MEF2A: variants seen among roughly 807,000 people sequenced by gnomAD.
MEF2A encodes myocyte-specific enhancer factor 2A.
MEF2A carries 28 observed loss-of-function variants against 55.8 expected under a neutral mutation model. The ratio of observed to expected loss-of-function variants is 0.50; its 90% CI spans 0.37 to 0.69. The LOEUF (loss-of-function observed/expected upper bound fraction) is 0.69. Among genes scored for constraint, MEF2A ranks in the 30% least tolerant of loss-of-function variants. MEF2A has a pLI of 0.00. For missense variants in MEF2A, 528 were observed against 626.2 expected, an observed-to-expected ratio of 0.84 and a Z score of 1.67; for synonymous variants, 239 against 227.1, an observed-to-expected ratio of 1.05 and a Z score of -0.47.
intron 3 of MEF2A, among the ~76,000 whole-genome samples, chr15:99,641,527 T>C (rs903906497): frequency 6.6e-6 from 1 of 152,046 alleles, no homozygotes; most frequent in Non-Finnish European, 1.5e-5. Flanking sequence ...ATCGAGACCA[T>C]CCTGGCTAAC....
intron 2 of MEF2A, among the ~76,000 whole-genome samples, chr15:99,611,242 AAAAACAAAAC>A (rs368889285): frequency 5.9e-5 from 9 of 152,224 alleles, no homozygotes; most frequent in Non-Finnish European, 8.8e-5. Flanking sequence ...ACTCTGTCTC[AAAAACAAAAC>A]AAAACAAAAC....
At chr15:99,676,730 GGGCTAATTTTTTT>G (rs1423705218) in intron 7 of MEF2A, among the ~76,000 whole-genome samples, 1 of 151,660 alleles carries the variant, frequency 6.6e-6, no homozygotes, top group East Asian at 2.0e-4. Flanking sequence ...CCACCACGCC[GGGCTAATTTTTTT>G]GTATTTTTAG....
rs899241453 is a variant in MEF2A at position 99,636,185 on chromosome 15, A to G, written c.54+3012A>G. Among the ~76,000 whole-genome samples, 4 of 152,244 alleles carry G rather than the reference A, an allele frequency of 2.6e-5. No individual in the cohort carries two copies. In the East Asian group the frequency reaches 5.8e-4, roughly 22 times the overall value. The stretch of plus-strand genomic sequence containing the variant: ...ATTTTTATTGGCCATTTAGATATAT[A>G]TCTTCTGTGACTAGTCTGTTCACTT... On this transcript the variant is annotated intron_variant, in intron 3 of 11. Transcript: ENST00000557942.
chr15:99,607,588 A>G (rs1248684999), intron 2 of MEF2A, among the ~76,000 whole-genome samples: 1 of 152,188 alleles, frequency 6.6e-6, no homozygotes, highest in Non-Finnish European at 1.5e-5. Context: ...TTCCCCCAGT[A>G]GTTATGACAT....
intron 10 of MEF2A, among the ~76,000 whole-genome samples, chr15:99,709,388 C>T (rs1015414563): frequency 9.2e-5 from 14 of 152,190 alleles, no homozygotes; most frequent in Non-Finnish European, 1.8e-4. Context: ...TTTGGAGTGG[C>T]GTCCAAATGG....
chr15:99,651,649 C>G (rs1187323158), intron 4 of MEF2A, among the ~76,000 whole-genome samples: 1 of 152,200 alleles, frequency 6.6e-6, no homozygotes, highest in Non-Finnish European at 1.5e-5. Context: ...TCCCACATGT[C>G]ACTGCACCAT....
At chr15:99,604,665 G>A (rs932592384) in intron 2 of MEF2A, among the ~76,000 whole-genome samples, 1 of 148,474 alleles carries the variant, frequency 6.7e-6, no homozygotes, top group South Asian at 2.1e-4. Context: ...ATAATGTTTG[G>A]ATGCTGGATG....
rs74033756 is a variant in MEF2A at position 99,697,437 on chromosome 15, G to A, written c.859-5925G>A. Among the ~76,000 whole-genome samples, 376 of 151,600 alleles carry A rather than the reference G, an allele frequency of 2.5e-3. 1 individual carries two copies. The highest frequency in any genetic ancestry group is 8.5e-3 in the African/African-American group (351 of 41,350). ...TATAAAAATCGATTATATGCCAGCAGTGAACAATTGGAGTTTGAAATTTAA... is the reference window on the plus strand; with the variant it reads ...TATAAAAATCGATTATATGCCAGCAATGAACAATTGGAGTTTGAAATTTAA... On this transcript the variant is annotated intron_variant, in intron 8 of 11. Transcript: ENST00000557942.
At chr15:99,575,496 A>G (rs1263097625) in intron 1 of MEF2A, among the ~76,000 whole-genome samples, 1 of 152,204 alleles carries the variant, frequency 6.6e-6, no homozygotes, top group African/African-American at 2.4e-5. Flanking sequence ...TCCTCAGTGC[A>G]TCACATCATG....
chr15:99,589,622 G>A lies in MEF2A; in HGVS notation c.-224-8808G>A, dbSNP rs555092977. ...ACCATTATTTTTTCTTCTAAAATACGCACTTAAAAGCTGTAAATTTCCAAG... is the reference window on the plus strand; with the variant it reads ...ACCATTATTTTTTCTTCTAAAATACACACTTAAAAGCTGTAAATTTCCAAG... On this transcript the variant is annotated intron_variant, in intron 1 of 11. Transcript: ENST00000557942. Among the ~76,000 whole-genome samples, 10 of 151,936 alleles carry A rather than the reference G, an allele frequency of 6.6e-5. No homozygotes were observed. The East Asian group carries it at 1.7e-3, about 26-fold the overall frequency.
chr15:99,672,277 G>A (rs1215003058), intron 5 of MEF2A, among the ~76,000 whole-genome samples: 1 of 152,196 alleles, frequency 6.6e-6, no homozygotes, highest in African/African-American at 2.4e-5. Context: ...AGGAAGAGCA[G>A]CTTGGCTTAA....
intron 3 of MEF2A, among the ~76,000 whole-genome samples, chr15:99,642,030 CT>C (rs1567301030): frequency 6.6e-6 from 1 of 152,054 alleles, no homozygotes; most frequent in Non-Finnish European, 1.5e-5. Context: ...TTTTTTGCCC[CT>C]AACAAGGGCT....
intron 2 of MEF2A, among the ~76,000 whole-genome samples, chr15:99,602,697 T>TGTGTAGGGGTGGG (rs1973627903): frequency 1.2e-5 from 1 of 81,540 alleles, no homozygotes; most frequent in Non-Finnish European, 2.2e-5. Flanking sequence ...TGTGTGTGTG[T>TGTGTAGGGGTGGG]GTAGGGGTGG....
intron 1 of MEF2A, among the ~76,000 whole-genome samples, chr15:99,577,469 G>T (rs1213276230): frequency 6.6e-6 from 1 of 152,160 alleles, no homozygotes; most frequent in African/African-American, 2.4e-5. Context: ...TGATTTTGAT[G>T]TGTAATAGAT....
chr15:99,671,020 C>T (rs995423886), intron 4 of MEF2A, among the ~76,000 whole-genome samples: 1 of 152,122 alleles, frequency 6.6e-6, no homozygotes, highest in Non-Finnish European at 1.5e-5. Flanking sequence ...ATTGATCAGG[C>T]TTTAATCAGA....
chr15:99,634,683 G>A (rs2043475377), intron 3 of MEF2A, among the ~76,000 whole-genome samples: 1 of 152,098 alleles, frequency 6.6e-6, no homozygotes, highest in African/African-American at 2.4e-5. Flanking sequence ...GAATGTGTAG[G>A]TGACGGTAAT....
At chr15:99,592,065 T>C (rs575494941) in intron 1 of MEF2A, among the ~76,000 whole-genome samples, 44 of 152,176 alleles carry the variant, frequency 2.9e-4, no homozygotes, top group Admixed American at 9.8e-4. Context: ...GTTGATTTCC[T>C]CTGAAGAGAT....
chr15:99,637,903 A>G (rs1049516714), intron 3 of MEF2A, among the ~76,000 whole-genome samples: 5 of 152,112 alleles, frequency 3.3e-5, no homozygotes, highest in African/African-American at 1.2e-4. Flanking sequence ...TCGGCCTCCC[A>G]AAGTGTTGGA....
chr15:99,694,492 C>T (rs1746508937), intron 8 of MEF2A, among the ~76,000 whole-genome samples: 1 of 152,212 alleles, frequency 6.6e-6, no homozygotes, highest in South Asian at 2.1e-4. Context: ...ATGCGAGTGT[C>T]ATGTTGGTGC....
Sources: allele counts gnomAD v4.1 joint callset (sites outside exome capture counted in the v4.1 genomes callset), GRCh38; gene constraint gnomAD v4.1.1; transcripts MANE v1.5; gene names NCBI Gene and HGNC (gene_info 2026-07-23, HGNC 2026-07-21).